The following CEP162 variants were observed in gnomAD, a reference collection of about 807,000 sequenced individuals.
CEP162 encodes centrosomal protein 162, also known as centrosomal protein of 162 kDa.
CEP162 carries 141 observed loss-of-function variants against 169.2 expected under a neutral mutation model. The ratio of observed to expected loss-of-function variants is 0.83; its 90% CI spans 0.73 to 0.96. The LOEUF (loss-of-function observed/expected upper bound fraction) is 0.96. Ranked by LOEUF, CEP162 falls within the 40% of genes least tolerant of loss-of-function variation. The probability of loss-of-function intolerance (pLI) is 0.00; values close to 1 mark genes in which losing one functional copy is unlikely to be tolerated. For synonymous variants in CEP162, 540 were observed against 526.4 expected (o/e 1.03, Z -0.35); for missense variants, 1,600 against 1,587.2 (o/e 1.01, Z -0.14).
chr6:84,221,063 C>T lies in CEP162; in HGVS notation c.166G>A (p.Asp56Asn), dbSNP rs1454643772. 1.4e-5 allele frequency: 22 copies of T among 1,539,838 alleles called. No individual in the cohort carries two copies. Among genetic ancestry groups the T allele is most frequent in the Non-Finnish European group, 1.9e-5 (21 of 1,114,162 alleles). Residue 56 changes from aspartate (D) to asparagine (N), a missense_variant, in exon 3 of 27, where the codon GAT (aspartate) becomes AAT (asparagine). Transcript: ENST00000403245. The stretch of plus-strand genomic sequence containing the variant: ...AAAAATCAGCAACATTTACCATCAT[C>T]TTTAAAATCATCTTCAGTTATCCAC... ...PWWITEDDFK[D>N]DGLLGTNVSY...
At chr6:84,164,809 C>A (rs2099527162) in intron 18 of CEP162, among the ~76,000 whole-genome samples, 1 of 152,006 alleles carries the variant, frequency 6.6e-6, no homozygotes. Context: ...ACATGTATAC[C>A]TATGTAACAA....
In CEP162 at chr6:84,187,751, A is replaced by G. The variant is rs1316520322; in HGVS notation, c.1110-1128T>C. On this transcript the variant is annotated intron_variant, in intron 11 of 26. Transcript: ENST00000403245. ...AAACATTGCTAAACTGTCATCTACAAAAGTTTATAAGGCAGACCACATGCC... is the reference window on the plus strand; with the variant it reads ...AAACATTGCTAAACTGTCATCTACAGAAGTTTATAAGGCAGACCACATGCC... Among the ~76,000 whole-genome samples, 6 of 152,334 alleles carry G rather than the reference A, an allele frequency of 3.9e-5. No individual in the cohort carries two copies. The East Asian group carries it at 9.6e-4, about 24-fold the overall frequency.
chr6:84,194,833 C>G, intron 10 of CEP162, 51 bp downstream of exon 10: 2 of 1,281,210 alleles, frequency 1.6e-6, no homozygotes, highest in South Asian at 1.3e-5. Flanking sequence ...ACACTAAAAA[C>G]TCTTTAGAAA....
chr6:84,179,855 C>T (rs949595692), intron 13 of CEP162, among the ~76,000 whole-genome samples: 1 of 152,042 alleles, frequency 6.6e-6, no homozygotes, highest in African/African-American at 2.4e-5. Context: ...TAATTAATAG[C>T]CTACCAACCA....
chr6:84,124,510 G>A lies in CEP162; in HGVS notation c.*560C>T, dbSNP rs1354076142. The A allele has an allele frequency of 6.5e-6, 1 of 152,998 alleles. No individual in the cohort carries two copies. The highest frequency in any genetic ancestry group is 1.5e-5 in the Non-Finnish European group (1 of 68,762). The allele number at this position is 152,998 out of a possible 1,614,324, so 9.5% of individuals were successfully genotyped here. A position where few individuals can be genotyped will look rare whatever the true frequency, so the allele number is the denominator to read the frequency against. On this transcript the variant is annotated 3_prime_UTR_variant, in exon 27 of 27. Transcript: ENST00000403245. ...ATATTGCATATATTCTCACTTAAAA[G>A]TAGGAGCTAAACAATGGGTACACAG...
At chr6:84,168,204 T>A (rs1389328603) in intron 18 of CEP162, among the ~76,000 whole-genome samples, 1 of 152,136 alleles carries the variant, frequency 6.6e-6, no homozygotes, top group African/African-American at 2.4e-5. Flanking sequence ...CAAGCCTTCA[T>A]AAAATATGGT....
At chr6:84,160,692 ATACTT>A in intron 21 of CEP162, 115 bp downstream of exon 21, 1 of 629,472 alleles carries the variant, frequency 1.6e-6, no homozygotes, top group Non-Finnish European at 2.8e-6. Context: ...ACTAATGTAA[ATACTT>A]TAAAACAAAA....
intron 10 of CEP162, 42 bp from the exon 11 acceptor site, chr6:84,193,732 A>T: frequency 1.6e-6 from 2 of 1,276,792 alleles, no homozygotes; most frequent in Non-Finnish European, 2.2e-6. Context: ...AATGTTATGT[A>T]GGTTGCTTAA....
chr6:84,200,721 A>C (rs960745787), intron 9 of CEP162, 68 bp downstream of exon 9: 6 of 709,342 alleles, frequency 8.5e-6, no homozygotes, highest in Admixed American at 8.2e-5. Flanking sequence ...ATTTCCTTAG[A>C]AATGTAGTCA....
intron 2 of CEP162, among the ~76,000 whole-genome samples, chr6:84,221,927 C>A (rs147804231): frequency 6.6e-6 from 1 of 152,036 alleles, no homozygotes; most frequent in African/African-American, 2.4e-5. Flanking sequence ...TGTATCTTCA[C>A]TCCCTTCTCT....
intron 3 of CEP162, among the ~76,000 whole-genome samples, chr6:84,216,811 A>G (rs983128674): frequency 1.3e-5 from 2 of 152,180 alleles, no homozygotes; most frequent in Admixed American, 6.5e-5. Context: ...GAGAATATTG[A>G]TGAAAAATGA....
chr6:84,195,169 T>C (rs2099541586), intron 9 of CEP162, 94 bp from the exon 10 acceptor site: 1 of 1,072,976 alleles, frequency 9.3e-7, no homozygotes, highest in Non-Finnish European at 1.3e-6. Context: ...GTTAGGAATA[T>C]AAAAGTAGAG....
At chr6:84,226,579 T>C (rs759863141) in intron 1 of CEP162, 127 bp from the exon 2 acceptor site, 8 of 569,340 alleles carry the variant, frequency 1.4e-5, no homozygotes, top group Non-Finnish European at 1.9e-5. Context: ...CAGTAAGAGC[T>C]GGTCAAGAGA....
At position 84,155,356 on chromosome 6, in the gene CEP162, T is replaced by C. The variant is rs781074736; in HGVS notation, c.2936A>G (p.Lys979Arg). The C allele has an allele frequency of 6.2e-7, 1 of 1,613,746 alleles. No individual in the cohort carries two copies. Among genetic ancestry groups the C allele is most frequent in the Non-Finnish European group, 8.5e-7 (1 of 1,179,734 alleles). The change falls in exon 22 of 27, where the codon AAA (lysine) becomes AGA (arginine). Residue 979 changes from lysine to arginine, a missense_variant. Physicochemically the swap from Lys to Arg is conservative, Grantham distance 26. Transcript: ENST00000403245. Reference sequence around the variant, plus strand: ...AAGGCTTTTCTTTGCATCTTCATCTTTGCCCTCCAGATCAGCTTCTAGCTT... The same window carrying C: ...AAGGCTTTTCTTTGCATCTTCATCTCTGCCCTCCAGATCAGCTTCTAGCTT... ...IKKLEADLEG[K>R]DEDAKKSLRT...
chr6:84,219,077 C>A, intron 3 of CEP162: 1 of 768,870 alleles, frequency 1.3e-6, no homozygotes, highest in Admixed American at 3.6e-5. Flanking sequence ...ATGTAAAAGC[C>A]GCTCACTGTT....
intron 25 of CEP162, among the ~76,000 whole-genome samples, chr6:84,142,104 T>C (rs953857182): frequency 2.0e-5 from 3 of 152,162 alleles, no homozygotes; most frequent in African/African-American, 7.2e-5. Context: ...AGTTTGTTTT[T>C]GTTTTTTTAA....
chr6:84,153,119 G>A lies in CEP162; in HGVS notation c.3055C>T (p.His1019Tyr). ...AGGGCTTTAATTCTGGGAGAGTCAT[G>A]TTGATTCAATTTGCAGGCAAGTAGC... is the stretch of plus-strand genomic sequence containing the variant. ...EQLLACKLNQ[H>Y]DSPRIKALEK... The change falls in exon 23 of 27, where the codon CAT (histidine) becomes TAT (tyrosine). Residue 1019 changes from histidine to tyrosine, a missense_variant. Transcript: ENST00000403245. The A allele has an allele frequency of 3.1e-6, 5 of 1,610,960 alleles. No individual in the cohort carries two copies. Among genetic ancestry groups the A allele is most frequent in the Non-Finnish European group, 3.4e-6 (4 of 1,179,012 alleles).
rs776973307 is a variant in CEP162, at chr6:84,175,306, C to T, written c.1705G>A (p.Asp569Asn). The change falls in exon 14 of 27, where the codon GAT (aspartate) becomes AAT (asparagine). Residue 569 changes from aspartate (D) to asparagine (N), a missense_variant. Coordinates refer to ENST00000403245, the MANE Select transcript of CEP162 (RefSeq NM_014895.4). Reference protein sequence around the residue: ...GTKLIKPAALDKPAHKTESCL... With the variant: ...GTKLIKPAALNKPAHKTESCL... ...CTTTCAGTTTTGTGAGCTGGTTTAT[C>T]CAAAGCTGCAGGCTTGATGAGTTTT... The T allele has an allele frequency of 1.3e-5, 20 of 1,546,574 alleles. No individual in the cohort carries two copies. The South Asian group carries it at 1.7e-4, about 13-fold the overall frequency.
intron 2 of CEP162, among the ~76,000 whole-genome samples, chr6:84,222,963 T>A (rs1200934830): frequency 6.6e-6 from 1 of 152,240 alleles, no homozygotes; most frequent in African/African-American, 2.4e-5. Flanking sequence ...GTTAGCTGCA[T>A]CACTTTTTAC....
Sources: gnomAD v4.1 joint callset for allele counts (sites outside exome capture counted in the v4.1 genomes callset) on GRCh38, gnomAD v4.1.1 for gene constraint, MANE v1.5 for transcripts, NCBI Gene and HGNC (gene_info 2026-07-23, HGNC 2026-07-21) for gene names.